Variants in FAM135B observed in about 807,000 individuals in gnomAD.
The protein encoded by FAM135B is family with sequence similarity 135 member B, also known as protein FAM135B.
Under a neutral mutation model 127.7 loss-of-function variants are expected in FAM135B, and 43 were observed. The ratio of observed to expected loss-of-function variants is 0.34; its 90% CI spans 0.26 to 0.43. FAM135B has a LOEUF of 0.43. Ranked by LOEUF, FAM135B falls within the 20% of genes least tolerant of loss-of-function variation. The pLI, the probability that FAM135B is intolerant of heterozygous loss-of-function variation, is 1.00. For synonymous variants in FAM135B, 670 were observed against 665.1 expected (o/e 1.01, Z -0.11); for missense variants, 1,558 against 1,725.6 (o/e 0.90, Z 1.72).
At chr8:138,401,166 A>C (rs1833133724) in intron 1 of FAM135B, among the ~76,000 whole-genome samples, 1 of 152,212 alleles carries the variant, frequency 6.6e-6, no homozygotes, top group African/African-American at 2.4e-5. Flanking sequence ...TCAAATGTCT[A>C]GATTGCAGGA....
chr8:138,349,817 A>G (rs549014634), intron 2 of FAM135B, among the ~76,000 whole-genome samples: 19 of 152,344 alleles, frequency 1.2e-4, no homozygotes, highest in Non-Finnish European at 2.2e-4. Context: ...TCAAGAATCC[A>G]TAAGTTCTGC....
chr8:138,405,029 T>TGGCTAA (rs1833381187), intron 1 of FAM135B, among the ~76,000 whole-genome samples: 1 of 152,138 alleles, frequency 6.6e-6, no homozygotes, highest in African/African-American at 2.4e-5. Context: ...AATCACTACC[T>TGGCTAA]ATTGCAGCTA....
chr8:138,361,029 A>G (rs1436202794), intron 2 of FAM135B, among the ~76,000 whole-genome samples: 1 of 151,814 alleles, frequency 6.6e-6, no homozygotes, highest in East Asian at 1.9e-4. Flanking sequence ...TGGTTCAAGC[A>G]ATTCCCCTGC....
chr8:138,443,721 G>T (rs1835940910), intron 1 of FAM135B, among the ~76,000 whole-genome samples: 1 of 152,160 alleles, frequency 6.6e-6, no homozygotes. Flanking sequence ...CATCAACAAA[G>T]AAATATACTT....
chr8:138,387,290 A>G (rs891038461), intron 1 of FAM135B, among the ~76,000 whole-genome samples: 24 of 152,176 alleles, frequency 1.6e-4, no homozygotes, highest in Non-Finnish European at 7.3e-5. Context: ...AACTAGGTCC[A>G]GGTCTCACAA....
At chr8:138,199,201 G>C (rs1447985754) in intron 7 of FAM135B, among the ~76,000 whole-genome samples, 1 of 152,170 alleles carries the variant, frequency 6.6e-6, no homozygotes, top group Non-Finnish European at 1.5e-5. Context: ...TGTTGTATAG[G>C]CAGATAATGA....
At chr8:138,221,411 A>T (rs977459013) in intron 7 of FAM135B, among the ~76,000 whole-genome samples, 25 of 152,164 alleles carry the variant, frequency 1.6e-4, no homozygotes, top group African/African-American at 6.0e-4. Flanking sequence ...TGCCCTCATG[A>T]TCCAATCACC....
At chr8:138,321,893 T>C (rs981008058) in intron 2 of FAM135B, among the ~76,000 whole-genome samples, 15 of 152,174 alleles carry the variant, frequency 9.9e-5, no homozygotes, top group African/African-American at 3.6e-4. Context: ...AGGAGTGAAG[T>C]GTCCTTGCTT....
At chr8:138,250,787 C>G in intron 6 of FAM135B, 54 bp downstream of exon 6, 1 of 1,595,754 alleles carries the variant, frequency 6.3e-7, no homozygotes, top group Non-Finnish European at 8.6e-7. Flanking sequence ...CCCTCTACCA[C>G]ACCTGCAATG....
chr8:138,225,948 G>T (rs2130121546), intron 7 of FAM135B, among the ~76,000 whole-genome samples: 1 of 152,220 alleles, frequency 6.6e-6, no homozygotes, highest in Non-Finnish European at 1.5e-5. Flanking sequence ...GAAGGTGTAT[G>T]CTCATTCCAT....
At chr8:138,444,230 T>A (rs1233369192) in intron 1 of FAM135B, among the ~76,000 whole-genome samples, 1 of 152,046 alleles carries the variant, frequency 6.6e-6, no homozygotes. Context: ...CTGTCAACAT[T>A]AGACAGGTCA....
In FAM135B at chr8:138,167,910, C is replaced by G. The variant is rs777731751; in HGVS notation, c.1243G>C (p.Asp415His). Residue 415 changes from aspartate to histidine, a missense_variant, in exon 12 of 20, where the codon GAC becomes CAC. This residue lies in a region of FAM135B where 115 missense variants were observed against 171.1 expected (regional missense o/e 0.67). Transcript: ENST00000395297. Reference sequence around the variant, plus strand: ...ACAGACAAACCTGTCGCAGGGCAGTCCACGTATCTGTCCTCAAAGATCACC... The same window carrying G: ...ACAGACAAACCTGTCGCAGGGCAGTGCACGTATCTGTCCTCAAAGATCACC... ...LPVIFEDRYV[D>H]CPATGHNLSV... 6.2e-7 allele frequency: 1 copy of G among 1,613,144 alleles called. No homozygotes were observed. Among genetic ancestry groups the G allele is most frequent in the Non-Finnish European group, 8.5e-7 (1 of 1,179,572 alleles).
At chr8:138,286,016 C>G (rs1278797936) in intron 3 of FAM135B, among the ~76,000 whole-genome samples, 1 of 152,130 alleles carries the variant, frequency 6.6e-6, no homozygotes, top group Admixed American at 6.5e-5. Context: ...CTTCATAGAA[C>G]TTACACTATA....
At chr8:138,451,819 G>T (rs1233793844) in intron 1 of FAM135B, among the ~76,000 whole-genome samples, 1 of 152,140 alleles carries the variant, frequency 6.6e-6, no homozygotes, top group Admixed American at 6.5e-5. Context: ...TGGGTAAAAA[G>T]ATGGACTTAT....
At chr8:138,334,303 G>A (rs1029295967) in intron 2 of FAM135B, among the ~76,000 whole-genome samples, 2 of 152,138 alleles carry the variant, frequency 1.3e-5, no homozygotes, top group Non-Finnish European at 1.5e-5. Context: ...TACCCACATC[G>A]CTCAGACTTT....
chr8:138,377,806 G>A (rs11782146), intron 1 of FAM135B, among the ~76,000 whole-genome samples: 2 of 151,928 alleles, frequency 1.3e-5, no homozygotes, highest in Admixed American at 6.5e-5. Flanking sequence ...AATTACTCTC[G>A]AAAGCATGTA....
chr8:138,152,693 T>G lies in FAM135B; in HGVS notation c.1782A>C (p.Lys594Asn). 6.2e-7 allele frequency: 1 copy of G among 1,614,194 alleles called. No individual in the cohort carries two copies. The highest frequency in any genetic ancestry group is 8.5e-7 in the Non-Finnish European group (1 of 1,180,036). Residue 594 changes from lysine (K) to asparagine (N), a missense_variant, in exon 13 of 20, where the codon AAA becomes AAC. Coordinates refer to ENST00000395297, the MANE Select transcript of FAM135B (RefSeq NM_015912.4). The part of the protein sequence containing the change: ...KYGLDRTGLS[K>N]VVVGGSHQNA... ...TTTGGTGGCTTCCACCTACTACCAC[T>G]TTGCTTAGCCCAGTCCTGTCTAATC... is the stretch of plus-strand genomic sequence containing the variant.
At chr8:138,463,560 T>C (rs1837238918) in intron 1 of FAM135B, among the ~76,000 whole-genome samples, 1 of 152,184 alleles carries the variant, frequency 6.6e-6, no homozygotes, top group Non-Finnish European at 1.5e-5. Context: ...ATGGCTTGTC[T>C]GGGTGTTTTG....
chr8:138,477,361 C>G (rs1204470998), intron 1 of FAM135B: 4 of 152,234 alleles, frequency 2.6e-5, no homozygotes, highest in African/African-American at 9.6e-5. Flanking sequence ...AGCTCAGCCG[C>G]AGAGTCACCT....
Sources: gnomAD v4.1 joint callset for allele counts (sites outside exome capture counted in the v4.1 genomes callset) on GRCh38, gnomAD v4.1.1 for gene constraint, gnomAD v4.1.1 regional missense constraint, MANE v1.5 for transcripts, NCBI Gene and HGNC (gene_info 2026-07-23, HGNC 2026-07-21) for gene names.